The following GRID2 variants were observed in gnomAD, a reference collection of about 807,000 sequenced individuals.
The protein encoded by GRID2 is glutamate ionotropic receptor delta type subunit 2.
In GRID2, 33 loss-of-function variants were observed where a neutral mutation model predicts 114.8. That is an observed-to-expected ratio of 0.29 (90% CI 0.22 to 0.38). GRID2 has a LOEUF of 0.38. Among genes scored for constraint, GRID2 ranks in the 10% least tolerant of loss-of-function variants. GRID2 has a pLI of 1.00. For synonymous variants in GRID2, 505 were observed against 449.9 expected (o/e 1.12, Z -1.55); for missense variants, 1,184 against 1,257.7 (o/e 0.94, Z 0.89).
chr4:93,693,849 A>G (rs144590909), intron 14 of GRID2, among the ~76,000 whole-genome samples: 111 of 152,216 alleles, frequency 7.3e-4, no homozygotes, highest in Non-Finnish European at 1.4e-3. Flanking sequence ...CTGTAAAGCA[A>G]AACTTCTTAA....
rs1284624232 is a variant in GRID2 at position 93,517,366 on chromosome 4, G to C, written c.2193+1955G>C. Among the ~76,000 whole-genome samples, 5 of 152,120 alleles carry C rather than the reference G, an allele frequency of 3.3e-5. No homozygotes were observed. The East Asian group carries it at 9.7e-4, about 29-fold the overall frequency. The stretch of plus-strand genomic sequence containing the variant: ...TTCTTTGTTAGTCTGTTGATAAGGA[G>C]GGCTAATGAGTTCGAAACTGCAAAT... On this transcript the variant is annotated intron_variant, in intron 13 of 15. Transcript: ENST00000282020.
At chr4:92,452,863 A>T (rs1488602147) in intron 1 of GRID2, among the ~76,000 whole-genome samples, 1 of 147,810 alleles carries the variant, frequency 6.8e-6, no homozygotes, top group African/African-American at 2.5e-5. Flanking sequence ...TTTACCATAT[A>T]TATTTTTTTA....
chr4:92,902,947 G>C (rs1250806464), intron 2 of GRID2, among the ~76,000 whole-genome samples: 1 of 151,758 alleles, frequency 6.6e-6, no homozygotes, highest in Non-Finnish European at 1.5e-5. Flanking sequence ...ATGCTATTTT[G>C]GTTACTATAC....
intron 2 of GRID2, among the ~76,000 whole-genome samples, chr4:92,678,645 C>T (rs1286855262): frequency 2.0e-5 from 3 of 148,814 alleles, no homozygotes; most frequent in Non-Finnish European, 4.5e-5. Context: ...TGATGAGCAC[C>T]TTAAAAAAAA....
chr4:93,671,010 G>T (rs1393062856), intron 14 of GRID2, among the ~76,000 whole-genome samples: 1 of 152,164 alleles, frequency 6.6e-6, no homozygotes, highest in Admixed American at 6.5e-5. Context: ...GACAGGAATA[G>T]TTAGTTTGGG....
chr4:93,503,034 G>A (rs910788828), intron 12 of GRID2, among the ~76,000 whole-genome samples: 1 of 152,000 alleles, frequency 6.6e-6, no homozygotes, highest in Admixed American at 6.6e-5. Context: ...CTGGCTCTCA[G>A]GCATCAAGAT....
chr4:93,750,886 A>G (rs963225717), intron 14 of GRID2, among the ~76,000 whole-genome samples: 22 of 152,226 alleles, frequency 1.4e-4, no homozygotes, highest in African/African-American at 5.3e-4. Context: ...CTCAATAAGG[A>G]TGAAATATTA....
intron 1 of GRID2, among the ~76,000 whole-genome samples, chr4:92,482,496 G>A (rs545385113): frequency 1.3e-5 from 2 of 152,060 alleles, no homozygotes; most frequent in African/African-American, 4.8e-5. Flanking sequence ...TTCTATTCTT[G>A]CACCTTCTCC....
At chr4:92,600,864 G>A (rs185723828) in intron 2 of GRID2, among the ~76,000 whole-genome samples, 57 of 152,350 alleles carry the variant, frequency 3.7e-4, no homozygotes, top group Admixed American at 2.9e-3. Flanking sequence ...CAGTCAGGAG[G>A]CATAAGATGC....
chr4:93,582,448 G>A (rs1331298314), intron 13 of GRID2, among the ~76,000 whole-genome samples: 1 of 152,102 alleles, frequency 6.6e-6, no homozygotes, highest in Non-Finnish European at 1.5e-5. Flanking sequence ...GGGATTGGAA[G>A]GTAGACATAT....
intron 2 of GRID2, among the ~76,000 whole-genome samples, chr4:92,768,642 T>TG (rs1560581227): frequency 6.6e-6 from 1 of 152,184 alleles, no homozygotes; most frequent in Non-Finnish European, 1.5e-5. Flanking sequence ...TCCACATGGC[T>TG]GGGGAGGCCT....
chr4:92,476,275 T>G (rs1204273657), intron 1 of GRID2, among the ~76,000 whole-genome samples: 1 of 152,156 alleles, frequency 6.6e-6, no homozygotes, highest in Non-Finnish European at 1.5e-5. Context: ...TCCGCCCGCC[T>G]TGGCTTCCCA....
intron 2 of GRID2, among the ~76,000 whole-genome samples, chr4:92,613,689 AT>A (rs1002079550): frequency 1.3e-5 from 2 of 151,158 alleles, no homozygotes; most frequent in East Asian, 1.9e-4. Context: ...GTTGTTGATA[AT>A]TTTTTTTATA....
intron 11 of GRID2, among the ~76,000 whole-genome samples, chr4:93,463,594 T>C (rs977631532): frequency 5.9e-5 from 9 of 152,190 alleles, no homozygotes; most frequent in Non-Finnish European, 1.3e-4. Flanking sequence ...AAATTACTAT[T>C]TTAGTATTTA....
intron 2 of GRID2, among the ~76,000 whole-genome samples, chr4:92,923,196 T>G (rs188004426): frequency 6.6e-6 from 1 of 152,294 alleles, no homozygotes; most frequent in East Asian, 1.9e-4. Context: ...TATTTTAAGT[T>G]TTGAAAGGAT....
intron 2 of GRID2, among the ~76,000 whole-genome samples, chr4:92,758,114 A>T (rs1325298536): frequency 2.6e-5 from 4 of 152,090 alleles, no homozygotes; most frequent in Admixed American, 6.6e-5. Context: ...ACATTTAAAC[A>T]TGGAGGTAGA....
chr4:93,513,143 G>A (rs1037232393), intron 12 of GRID2, among the ~76,000 whole-genome samples: 7 of 152,118 alleles, frequency 4.6e-5, no homozygotes, highest in African/African-American at 1.7e-4. Flanking sequence ...TGCAATATGG[G>A]CTTTCTCCAA....
chr4:92,908,859 T>C (rs1337655139), intron 2 of GRID2, among the ~76,000 whole-genome samples: 2 of 152,186 alleles, frequency 1.3e-5, no homozygotes, highest in Admixed American at 6.5e-5. Flanking sequence ...TCCCTTCAAT[T>C]CGTCAGGCAC....
intron 2 of GRID2, among the ~76,000 whole-genome samples, chr4:92,886,737 T>G (rs1470206944): frequency 6.6e-6 from 1 of 152,166 alleles, no homozygotes; most frequent in Non-Finnish European, 1.5e-5. Flanking sequence ...GCCATTCTCC[T>G]GCCTCAGCCT....
Sources: gnomAD v4.1 joint callset for allele counts (sites outside exome capture counted in the v4.1 genomes callset) on GRCh38, gnomAD v4.1.1 for gene constraint, MANE v1.5 for transcripts, NCBI Gene and HGNC (gene_info 2026-07-23, HGNC 2026-07-21) for gene names.